Variants in ARHGAP4 observed in about 807,000 individuals in gnomAD.
ARHGAP4 encodes the protein rho GTPase-activating protein 4.
ARHGAP4 carries 25 observed loss-of-function variants against 67.6 expected under a neutral mutation model. The ratio of observed to expected loss-of-function variants is 0.37; its 90% CI spans 0.27 to 0.52. The LOEUF (loss-of-function observed/expected upper bound fraction) is 0.52, where lower values mean the gene tolerates loss of function less well. Ranked by LOEUF, ARHGAP4 falls within the 20% of genes least tolerant of loss-of-function variation. The pLI is 0.92. For synonymous variants in ARHGAP4, 448 were observed against 373.7 expected (o/e 1.20, Z -2.29); for missense variants, 804 against 854.6 (o/e 0.94, Z 0.74).
rs1557102850 is a variant in ARHGAP4, at chrX:153,910,568, C to A, written c.1860G>T (p.Leu620=). The A allele has an allele frequency of 1.7e-6, 2 of 1,208,619 alleles. No homozygotes were observed. The highest frequency in any genetic ancestry group is 4.3e-5 in the Admixed American group (2 of 46,062). The change falls in exon 16 of 22, where the codon CTG becomes CTT. Residue 620 remains leucine, a synonymous_variant. Coordinates refer to ENST00000350060, the MANE Select transcript of ARHGAP4 (RefSeq NM_001666.5). ...GCACCGGCGCGGGCAGCCGCCACAG[C>A]AGGCGGCTCACGTGCTCCACCCTCT... is the stretch of plus-strand genomic sequence containing the variant. ...TAERVEHVSR[L]LWRLPAPVLV... is the part of the protein sequence containing the mutation.
chrX:153,913,061 G>A lies in ARHGAP4; in HGVS notation c.1412-10C>T. 1 of 1,189,919 alleles carries A rather than the reference G, an allele frequency of 8.4e-7. No individual in the cohort carries two copies. On this transcript the variant is annotated splice_polypyrimidine_tract_variant and intron_variant, in intron 10 of 21. Transcript: ENST00000350060. Reference sequence around the variant, plus strand: ...TGCTCCTCCTTGTCACCTGTGGGGTGGGAGAACATTGGTCTGCCTCTCGGG... The same window carrying A: ...TGCTCCTCCTTGTCACCTGTGGGGTAGGAGAACATTGGTCTGCCTCTCGGG...
rs2065016705 is a variant in ARHGAP4 at position 153,910,962 on chromosome X, G to C, written c.1641C>G (p.Ala547=). Reference sequence around the variant, plus strand: ...CACGGATCTCTGAGACCCGGAGCTGGGCACCCGATACCCGGAAGATGCCTT... The same window carrying C: ...CACGGATCTCTGAGACCCGGAGCTGCGCACCCGATACCCGGAAGATGCCTT... ...QHEGIFRVSG[A]QLRVSEIRDA... is the part of the protein sequence containing the mutation. The change falls in exon 14 of 22, where the codon GCC becomes GCG. Residue 547 remains alanine, a synonymous_variant. Transcript: ENST00000350060. The C allele has an allele frequency of 3.4e-6, 4 of 1,168,550 alleles. No homozygotes were observed. Among genetic ancestry groups the C allele is most frequent in the Non-Finnish European group, 3.4e-6 (3 of 874,065 alleles).
chrX:153,915,139 C>G (rs1325029257), intron 7 of ARHGAP4, among the ~76,000 whole-genome samples: 1 of 108,658 alleles, frequency 9.2e-6, no homozygotes, highest in South Asian at 4.2e-4. Flanking sequence ...CAGAAAGGCC[C>G]GCACTGTAGG....
In ARHGAP4 at chrX:153,909,450, C is replaced by T; in HGVS notation, c.2500G>A (p.Val834Ile). 1 of 1,200,332 alleles carries T rather than the reference C, an allele frequency of 8.3e-7. No individual in the cohort carries two copies. Among genetic ancestry groups the T allele is most frequent in the Non-Finnish European group, 1.1e-6 (1 of 889,466 alleles). Residue 834 changes from valine to isoleucine, a missense_variant, in exon 20 of 22, where the codon GTC becomes ATC. By Grantham distance (29) the Val-to-Ile change is conservative. Coordinates refer to ENST00000350060, the MANE Select transcript of ARHGAP4 (RefSeq NM_001666.5). ...SPEGLLASEL[V>I]HRPEPCTSPE... ...CCCCGTCTTCTTGCTCACCGGTGGA[C>T]CAGCTCCGATGCCAGGAGGCCCTCG...
chrX:153,922,514 C>A, intron 1 of ARHGAP4: 1 of 627,209 alleles, frequency 1.6e-6, no homozygotes, highest in Non-Finnish European at 1.9e-6. Context: ...ACACCCAGGG[C>A]CCCATACTGC....
chrX:153,924,454 C>T (rs1189747700), intron 1 of ARHGAP4, among the ~76,000 whole-genome samples: 1 of 111,723 alleles, frequency 9.0e-6, no homozygotes, highest in Non-Finnish European at 1.9e-5. Context: ...TCCCCCTAAA[C>T]TAGGGCTGGC....
chrX:153,923,833 A>C (rs1347507890), intron 1 of ARHGAP4, among the ~76,000 whole-genome samples: 1 of 112,294 alleles, frequency 8.9e-6, no homozygotes. Context: ...GCTGGAGTAC[A>C]GTGGTGCGAT....
intron 7 of ARHGAP4, among the ~76,000 whole-genome samples, chrX:153,915,200 C>T (rs1176654709): frequency 4.1e-5 from 3 of 73,379 alleles, no homozygotes; most frequent in Non-Finnish European, 7.4e-5. Flanking sequence ...TCTGTAGAGA[C>T]GGACAGTGGA....
intron 7 of ARHGAP4, among the ~76,000 whole-genome samples, chrX:153,916,599 G>A (rs1022935200): frequency 6.2e-5 from 7 of 113,285 alleles, no homozygotes; most frequent in African/African-American, 2.2e-4. Context: ...AAACACCACA[G>A]ACACCCACAT....
At chrX:153,923,806 C>T (rs1229985595) in intron 1 of ARHGAP4, among the ~76,000 whole-genome samples, 1 of 112,421 alleles carries the variant, frequency 8.9e-6, no homozygotes, top group African/African-American at 3.2e-5. Context: ...TGTTTTGAGA[C>T]GGAGGATGTT....
chrX:153,913,255 C>A lies in ARHGAP4; in HGVS notation c.1374G>T (p.Gln458His). The change falls in exon 10 of 22, where the codon CAG becomes CAT. Residue 458 changes from glutamine to histidine, a missense_variant. Physicochemically the swap from Gln to His is conservative, Grantham distance 24 (BLOSUM62 0). Coordinates refer to ENST00000350060, the MANE Select transcript of ARHGAP4 (RefSeq NM_001666.5). ...CCTCCTGCAGCTTCTCGTGCTTGGC[C>A]TGCAGCTTGGCGAGGATGCTCCGTC... ...LSGRSILAKL[Q>H]AKHEKLQEAL... The A allele has an allele frequency of 8.5e-7, 1 of 1,171,979 alleles. No individual in the cohort carries two copies. Among genetic ancestry groups the A allele is most frequent in the Non-Finnish European group, 1.1e-6 (1 of 875,399 alleles).
intron 7 of ARHGAP4, among the ~76,000 whole-genome samples, chrX:153,917,720 C>T (rs1242434362): frequency 4.4e-5 from 5 of 112,386 alleles, no homozygotes; most frequent in Admixed American, 2.8e-4. Flanking sequence ...CCCTGCACTC[C>T]AGCCGAGGGG....
rs782446394 is a variant in ARHGAP4 at position 153,921,649 on chromosome X, G to C, written c.228C>G (p.Ser76Arg). Reference sequence around the variant, plus strand: ...GGCTGCTCCCCAGGCGGCCTCCACGGCTGGAGAAGCGCTCGGCCAGCTTTT... The same window carrying C: ...GGCTGCTCCCCAGGCGGCCTCCACGCCTGGAGAAGCGCTCGGCCAGCTTTT... ...GLEKLAERFS[S>R]RGGRLGSSRE... The change falls in exon 2 of 22, where the codon AGC (serine) becomes AGG (arginine). Residue 76 changes from serine to arginine, a missense_variant. By Grantham distance (110) the Ser-to-Arg change is moderately radical. Coordinates refer to ENST00000350060, the MANE Select transcript of ARHGAP4 (RefSeq NM_001666.5). 8.3e-7 allele frequency: 1 copy of C among 1,208,675 alleles called. No homozygotes were observed. Among genetic ancestry groups the C allele is most frequent in the African/African-American group, 1.7e-5 (1 of 57,690 alleles).
Position 153,910,748 on chromosome X carries a change from G to A in ARHGAP4, c.1768C>T (p.Pro590Ser), listed in dbSNP as rs782476973. 26 of 1,191,723 alleles carry A rather than the reference G, an allele frequency of 2.2e-5. No homozygotes were observed. The highest frequency in any genetic ancestry group is 6.1e-5 in the East Asian group (2 of 32,968). Residue 590 changes from proline (P) to serine (S), a missense_variant, in exon 15 of 22, where the codon CCC becomes TCC. By Grantham distance (74) the Pro-to-Ser change is moderately conservative. Around this residue, in one of 2 missense-constraint regions of ARHGAP4, gnomAD observed 400 missense variants for 348.7 expected, o/e 1.15. Coordinates refer to ENST00000350060, the MANE Select transcript of ARHGAP4 (RefSeq NM_001666.5). ...AACAGGTCTGGGGGGAAGAGTGGGG[G>A]CTCCAGGCTCCGGAAGTAGAGCTTC... The part of the protein sequence containing the change: ...VLKLYFRSLE[P>S]PLFPPDLFGE...
chrX:153,921,179 T>C lies in ARHGAP4; in HGVS notation c.436-20A>G. 1 of 1,193,658 alleles carries C rather than the reference T, an allele frequency of 8.4e-7. No homozygotes were observed. Among genetic ancestry groups the C allele is most frequent in the Non-Finnish European group, 1.1e-6 (1 of 885,744 alleles). On this transcript the variant is annotated intron_variant, in intron 3 of 21. Transcript: ENST00000350060. The stretch of plus-strand genomic sequence containing the variant: ...CCTGCTCTAGAGGCAGAGGCAAGGG[T>C]GAGCACGGCACTGCCCAGAGCGGCC...
At chrX:153,925,478 G>C (rs2065120361) in intron 1 of ARHGAP4, among the ~76,000 whole-genome samples, 1 of 112,425 alleles carries the variant, frequency 8.9e-6, no homozygotes, top group East Asian at 2.8e-4. Context: ...GAATAAGATG[G>C]GCACAAGCTA....
Position 153,910,287 on chromosome X carries a change from C to T in ARHGAP4, c.2040G>A (p.Val680=). ...CTATGAGCGTCTGCACCAGCTGGTT[C>T]ACCCGGCCCTGCAGCGCCACCGGGT... ...GQDPVALQGR[V]NQLVQTLIVQ... Residue 680 remains valine (V), a synonymous_variant, in exon 17 of 22, where the codon GTG becomes GTA. Coordinates refer to ENST00000350060, the MANE Select transcript of ARHGAP4 (RefSeq NM_001666.5). 1 of 1,209,963 alleles carries T rather than the reference C, an allele frequency of 8.3e-7. No homozygotes were observed. Among genetic ancestry groups the T allele is most frequent in the Non-Finnish European group, 1.1e-6 (1 of 894,899 alleles).
chrX:153,908,473 C>G (rs1315977865), intron 21 of ARHGAP4, among the ~76,000 whole-genome samples: 1 of 112,262 alleles, frequency 8.9e-6, no homozygotes, highest in African/African-American at 3.2e-5. Context: ...CTTCCACGTT[C>G]AGCCCGACAG....
intron 7 of ARHGAP4, 123 bp downstream of exon 7, chrX:153,918,709 G>T: frequency 1.3e-6 from 1 of 766,201 alleles, no homozygotes; most frequent in Non-Finnish European, 1.9e-6. Context: ...TTCTCTAGCT[G>T]CCGCACTGCC....
Sources: allele counts gnomAD v4.1 joint callset (sites outside exome capture counted in the v4.1 genomes callset), GRCh38; gene constraint gnomAD v4.1.1; regional missense constraint gnomAD v4.1.1; transcripts MANE v1.5; gene names NCBI Gene and HGNC (gene_info 2026-07-23, HGNC 2026-07-21).